Variants in PTPRM observed in about 807,000 individuals in gnomAD.
The protein encoded by PTPRM is protein tyrosine phosphatase receptor type M, also known as receptor-type tyrosine-protein phosphatase mu.
In PTPRM, 47 loss-of-function variants were observed where a neutral mutation model predicts 186.7. The observed-to-expected ratio is 0.25, with a 90% CI of 0.20 to 0.32. The LOEUF is 0.32. PTPRM is among the 10% of genes least tolerant of loss of function. The pLI is 1.00. For synonymous variants in PTPRM, 668 were observed against 674.9 expected, an observed-to-expected ratio of 0.99 and a Z score of 0.16; for missense variants, 1,494 against 1,865.0, an observed-to-expected ratio of 0.80 and a Z score of 3.66.
chr18:8,330,013 G>A (rs2095403233), intron 22 of PTPRM, among the ~76,000 whole-genome samples: 1 of 151,896 alleles, frequency 6.6e-6, no homozygotes, highest in Non-Finnish European at 1.5e-5. Flanking sequence ...ATGTTGCTCA[G>A]GCTGGTCTCA....
intron 11 of PTPRM, among the ~76,000 whole-genome samples, chr18:8,094,538 G>A (rs2145426172): frequency 6.6e-6 from 1 of 152,078 alleles, no homozygotes; most frequent in Middle Eastern, 3.4e-3. Context: ...TGCAAGACCA[G>A]CCTGGGCAAC....
chr18:7,791,951 A>G (rs1389377855), intron 2 of PTPRM, among the ~76,000 whole-genome samples: 1 of 152,184 alleles, frequency 6.6e-6, no homozygotes, highest in African/African-American at 2.4e-5. Flanking sequence ...ATACCCTAAT[A>G]TTTTCATAAA....
intron 1 of PTPRM, among the ~76,000 whole-genome samples, chr18:7,715,803 G>A (rs1396580489): frequency 6.6e-6 from 1 of 152,118 alleles, no homozygotes. Context: ...CTTAACAAGG[G>A]ATGTGAAGGA....
chr18:8,127,366 G>C (rs1336211352), intron 13 of PTPRM, among the ~76,000 whole-genome samples: 1 of 150,108 alleles, frequency 6.7e-6, no homozygotes, highest in Non-Finnish European at 1.5e-5. Flanking sequence ...ACTTTCCTCA[G>C]CCTGCCACTC....
At chr18:7,831,005 TA>T (rs2045734521) in intron 2 of PTPRM, among the ~76,000 whole-genome samples, 2 of 152,168 alleles carry the variant, frequency 1.3e-5, no homozygotes, top group Admixed American at 1.3e-4. Flanking sequence ...AGAAGATTTG[TA>T]AAAGAAGGGG....
At position 8,302,584 on chromosome 18, in the gene PTPRM, G is replaced by A. The variant is rs1179438608; in HGVS notation, c.2842+6129G>A. 2.0e-5 allele frequency among the ~76,000 whole-genome samples: 3 copies of A among 152,164 alleles called. No individual in the cohort carries two copies. The East Asian group carries it at 5.8e-4, about 29-fold the overall frequency. ...AGGGACAGCTGTTGAGGAATTTCCA[G>A]TAGCCCGAGTGTGACACGATGATGA... On this transcript the variant is annotated intron_variant, in intron 20 of 32. Coordinates refer to ENST00000580170, the MANE Select transcript of PTPRM (RefSeq NM_001105244.2).
chr18:7,946,294 TA>T (rs2052519845), intron 5 of PTPRM, among the ~76,000 whole-genome samples: 1 of 152,202 alleles, frequency 6.6e-6, no homozygotes, highest in African/African-American at 2.4e-5. Context: ...GGAAAAATAT[TA>T]GGAGATTATT....
chr18:7,960,929 T>A (rs2053639498), intron 7 of PTPRM, among the ~76,000 whole-genome samples: 1 of 152,150 alleles, frequency 6.6e-6, no homozygotes, highest in South Asian at 2.1e-4. Flanking sequence ...AAACTTACCA[T>A]CTTAACGAGT....
chr18:7,977,047 G>T (rs2054999141), intron 7 of PTPRM, among the ~76,000 whole-genome samples: 1 of 151,830 alleles, frequency 6.6e-6, no homozygotes, highest in Non-Finnish European at 1.5e-5. Context: ...TCTCACCTTA[G>T]CTCCAGTTAT....
chr18:8,228,816 G>A (rs911777633), intron 14 of PTPRM, among the ~76,000 whole-genome samples: 4 of 151,992 alleles, frequency 2.6e-5, no homozygotes, highest in Middle Eastern at 3.2e-3. Flanking sequence ...TCACACCACC[G>A]CACTCCAGCC....
chr18:7,813,359 G>A (rs571562664), intron 2 of PTPRM, among the ~76,000 whole-genome samples: 2 of 152,328 alleles, frequency 1.3e-5, no homozygotes, highest in East Asian at 3.9e-4. Flanking sequence ...CTTGGAACCG[G>A]TAGCCAGTAA....
At chr18:7,650,444 T>TTCCCC (rs2038670695) in intron 1 of PTPRM, among the ~76,000 whole-genome samples, 1 of 85,604 alleles carries the variant, frequency 1.2e-5, no homozygotes, top group African/African-American at 3.8e-5. Flanking sequence ...AACTTTCAAA[T>TTCCCC]CCCCCCCCCC....
intron 19 of PTPRM, among the ~76,000 whole-genome samples, chr18:8,289,263 T>C (rs2094994443): frequency 6.6e-6 from 1 of 151,664 alleles, no homozygotes; most frequent in South Asian, 2.1e-4. Flanking sequence ...CAACAGGAAA[T>C]ATATGACATT....
intron 2 of PTPRM, among the ~76,000 whole-genome samples, chr18:7,774,697 G>A (rs1014055961): frequency 6.6e-6 from 1 of 152,228 alleles, no homozygotes; most frequent in Admixed American, 6.5e-5. Flanking sequence ...AGATCTAGGA[G>A]AATGCCCAGT....
chr18:8,180,462 A>G (rs533135011), intron 14 of PTPRM, among the ~76,000 whole-genome samples: 33 of 152,322 alleles, frequency 2.2e-4, no homozygotes, highest in African/African-American at 7.5e-4. Context: ...GTACACTTGG[A>G]AAAGGGTCAA....
chr18:8,320,702 A>G (rs1051063911), intron 22 of PTPRM, among the ~76,000 whole-genome samples: 11 of 152,206 alleles, frequency 7.2e-5, no homozygotes, highest in Non-Finnish European at 1.6e-4. Flanking sequence ...AGCCACCCCA[A>G]GAACCTGGGT....
intron 2 of PTPRM, among the ~76,000 whole-genome samples, chr18:7,859,193 A>T (rs2146025635): frequency 6.6e-6 from 1 of 152,308 alleles, no homozygotes; most frequent in East Asian, 1.9e-4. Context: ...TTAGATATAC[A>T]TATATGTATA....
At chr18:7,806,477 C>T (rs563399540) in intron 2 of PTPRM, among the ~76,000 whole-genome samples, 1 of 152,034 alleles carries the variant, frequency 6.6e-6, no homozygotes, top group Non-Finnish European at 1.5e-5. Context: ...TAAAATTAAT[C>T]ACAGACTAAT....
At position 7,567,958 on chromosome 18, in the gene PTPRM, A is replaced by G; in HGVS notation, c.73+67A>G. 2.1e-6 allele frequency: 3 copies of G among 1,449,678 alleles called. No individual in the cohort carries two copies. Among genetic ancestry groups the G allele is most frequent in the Admixed American group, 2.8e-5 (1 of 35,968 alleles). 89.8% of individuals were successfully genotyped at this position (1,449,678 alleles called of 1,614,324 possible). On this transcript the variant is annotated intron_variant, in intron 1 of 32. Coordinates refer to ENST00000580170, the MANE Select transcript of PTPRM (RefSeq NM_001105244.2). The surrounding 1 kb of genome is among the most constrained non-coding windows in gnomAD (Gnocchi z 4.3). ...GGCGCGGGACGCCCGGGACGCCGACAGCTCCCTGGTGGTAGAGCCCTAAGG... is the reference window on the plus strand; with the variant it reads ...GGCGCGGGACGCCCGGGACGCCGACGGCTCCCTGGTGGTAGAGCCCTAAGG...
Sources: gnomAD v4.1 joint callset for allele counts (sites outside exome capture counted in the v4.1 genomes callset) on GRCh38, gnomAD v4.1.1 for gene constraint, Gnocchi (gnomAD v3.1) non-coding constraint, MANE v1.5 for transcripts, NCBI Gene and HGNC (gene_info 2026-07-23, HGNC 2026-07-21) for gene names.